The following CHTF18 variants were observed in gnomAD, a reference collection of about 807,000 sequenced individuals.
The protein encoded by CHTF18 is chromosome transmission fidelity factor 18.
Under a neutral mutation model 113.4 loss-of-function variants are expected in CHTF18, and 151 were observed. That is an observed-to-expected ratio of 1.33 (90% CI 1.17 to 1.52). The LOEUF is 1.52. CHTF18 is among the 40% of genes most tolerant of loss of function. The probability of loss-of-function intolerance (pLI) is 0.00; values close to 1 mark genes in which losing one functional copy is unlikely to be tolerated. For synonymous variants in CHTF18, 916 were observed against 598.8 expected (o/e 1.53, Z -7.74); for missense variants, 1,982 against 1,381.6 (o/e 1.43, Z -6.89).
chr16:792,298 G>T lies in CHTF18; in HGVS notation c.1277G>T (p.Gly426Val), dbSNP rs1214768527. The T allele has an allele frequency of 5.1e-6, 8 of 1,554,954 alleles. No homozygotes were observed. Among genetic ancestry groups the T allele is most frequent in the Non-Finnish European group, 7.0e-6 (8 of 1,149,866 alleles). ...ATQMESVLGA[G>V]GKPNCLVIDE... is the part of the protein sequence containing the mutation. ...CAGATGGAGTCGGTGCTGGGTGCTG[G>T]CGGGAAGCCCAACTGCCTGGTCATC... is the stretch of plus-strand genomic sequence containing the variant. Residue 426 changes from glycine (G) to valine (V), a missense_variant, in exon 10 of 22, where the codon GGC becomes GTC. Gly to Val is a moderately radical substitution (Grantham distance 109). Transcript: ENST00000262315.
rs761187410 is a variant in CHTF18, at chr16:788,920, T to C, written c.92-11T>C. 6.5e-7 allele frequency: 1 copy of C among 1,530,898 alleles called. No individual in the cohort carries two copies. The highest frequency in any genetic ancestry group is 1.4e-5 in the African/African-American group (1 of 70,618). 94.8% of individuals were successfully genotyped at this position (1,530,898 alleles called of 1,614,324 possible). ...CTCGGGGCGGCCGCTGACAATCTCC[T>C]CTCCCAGCAGGGGCGTCGACTCCGT... On this transcript the variant is annotated splice_polypyrimidine_tract_variant and intron_variant, in intron 1 of 21. Coordinates refer to ENST00000262315, the MANE Select transcript of CHTF18 (RefSeq NM_022092.3).
At position 797,901 on chromosome 16, in the gene CHTF18, G is replaced by A. The variant is rs1244045032; in HGVS notation, c.2854G>A (p.Glu952Lys). 20 of 1,611,618 alleles carry A rather than the reference G, an allele frequency of 1.2e-5. No homozygotes were observed. The highest frequency in any genetic ancestry group is 2.2e-5 in the South Asian group (2 of 90,854). The stretch of plus-strand genomic sequence containing the variant: ...CATGGGCACAGCGGTGGGCAGGAGC[G>A]AGGTCTGGTTCCGCTTCAACGAGGG... ...RRMGTAVGRSEVWFRFNEGVS... is the reference protein window; with the variant it reads ...RRMGTAVGRSKVWFRFNEGVS... The change falls in exon 22 of 22, where the codon GAG becomes AAG. Residue 952 changes from glutamate to lysine, a missense_variant. By Grantham distance (56) the Glu-to-Lys change is moderately conservative. Transcript: ENST00000262315.
At chr16:794,620 C>T (rs1216249365) in intron 15 of CHTF18, 2 of 242,500 alleles carry the variant, frequency 8.2e-6, no homozygotes, top group African/African-American at 2.2e-5. Flanking sequence ...AAGCTGTCTG[C>T]TGACTCTAAG....
At chr16:793,850 C>A (rs764445004) in intron 14 of CHTF18, 1 of 644,642 alleles carries the variant, frequency 1.6e-6, no homozygotes, top group Non-Finnish European at 2.7e-6. Context: ...CAGAGTGGGG[C>A]TCCTCGGCTT....
Position 795,228 on chromosome 16 carries a change from G to A in CHTF18, c.2047G>A (p.Ala683Thr). Residue 683 changes from alanine (A) to threonine (T), a missense_variant, in exon 16 of 22, where the codon GCG becomes ACG. By Grantham distance (58) the Ala-to-Thr change is moderately conservative. Transcript: ENST00000262315. ...CTGGCTGGCCTTCGATGACCTGCTGGCGGGGGCTGCTCATCACAGCCAGAG... is the reference window on the plus strand; with the variant it reads ...CTGGCTGGCCTTCGATGACCTGCTGACGGGGGCTGCTCATCACAGCCAGAG... Reference protein sequence around the residue: ...LDWLAFDDLLAGAAHHSQSFQ... With the variant: ...LDWLAFDDLLTGAAHHSQSFQ... 1.3e-6 allele frequency: 2 copies of A among 1,551,332 alleles called. No individual in the cohort carries two copies. The highest frequency in any genetic ancestry group is 1.7e-6 in the Non-Finnish European group (2 of 1,147,820).
chr16:791,157 G>T lies in CHTF18; in HGVS notation c.895-4G>T, dbSNP rs188666865. Reference sequence around the variant, plus strand: ...CTGTGCTTCCCTTCCCGTCCTTCCCGCAGTTCACCAACCGCTGCCTGCTCA... The same window carrying T: ...CTGTGCTTCCCTTCCCGTCCTTCCCTCAGTTCACCAACCGCTGCCTGCTCA... On this transcript the variant is annotated splice_region_variant and splice_polypyrimidine_tract_variant and intron_variant, in intron 7 of 21. Coordinates refer to ENST00000262315, the MANE Select transcript of CHTF18 (RefSeq NM_022092.3). 2.7e-3 allele frequency: 4,298 copies of T among 1,607,974 alleles called. 8 individuals are homozygous for T. The highest frequency in any genetic ancestry group is 3.4e-3 in the Non-Finnish European group (3,964 of 1,178,090).
At chr16:793,297 G>A (rs1473613691) in intron 14 of CHTF18, 23 bp downstream of exon 14, 3 of 1,603,800 alleles carry the variant, frequency 1.9e-6, no homozygotes, top group South Asian at 1.1e-5. Flanking sequence ...CACAGCCTCG[G>A]CCCAGATGCT....
At position 789,055 on chromosome 16, in the gene CHTF18, C is replaced by T. The variant is rs1354855876; in HGVS notation, c.216C>T (p.Gly72=). The change falls in exon 2 of 22, where the codon GGC becomes GGT. Residue 72 remains glycine (G), a synonymous_variant. Transcript: ENST00000262315. The part of the protein sequence containing the change: ...ASSPAPAASV[G]SSQGGARKRQ... ...GTCCCGCCCCAGCCGCATCTGTGGG[C>T]AGCAGCCAGGGCGGCGCCAGGAAGA... The T allele has an allele frequency of 6.5e-7, 1 of 1,538,650 alleles. No homozygotes were observed.
rs200325519 is a variant in CHTF18 at position 795,865 on chromosome 16, C to T, written c.2325+31C>T. 5.7e-5 allele frequency: 91 copies of T among 1,606,744 alleles called. 1 individual carries two copies. In the African/African-American group the frequency reaches 8.6e-4, roughly 15 times the overall value. On this transcript the variant is annotated intron_variant, in intron 17 of 21. Transcript: ENST00000262315. Reference sequence around the variant, plus strand: ...TGCCGTCCCCGGGGTGGGGGATTCCCCGCCTGCTGCCCTCCTGTCCTAGGT... The same window carrying T: ...TGCCGTCCCCGGGGTGGGGGATTCCTCGCCTGCTGCCCTCCTGTCCTAGGT...
Position 789,316 on chromosome 16 carries a change from C to G in CHTF18, c.393C>G (p.Thr131=), listed in dbSNP as rs905682482. ...PPPDSSPTDI[T]PPPSPEDLAE... ...CCGACTCCTCGCCGACGGACATCAC[C>G]CCGCCGCCGAGCCCTGAGGACCTCG... Residue 131 remains threonine (T), a synonymous_variant, in exon 3 of 22, where the codon ACC becomes ACG. Transcript: ENST00000262315. The G allele has an allele frequency of 7.5e-6, 12 of 1,601,234 alleles. No individual in the cohort carries two copies. The highest frequency in any genetic ancestry group is 1.0e-5 in the Non-Finnish European group (12 of 1,174,972).
At chr16:789,174 A>C in intron 2 of CHTF18, 36 bp from the exon 3 acceptor site, 2 of 1,550,070 alleles carry the variant, frequency 1.3e-6, no homozygotes, top group Non-Finnish European at 1.7e-6. Context: ...CGCGAGGCTG[A>C]GGAGGCCTCT....
rs761697825 is a variant in CHTF18, at chr16:789,054, G to A, written c.215G>A (p.Gly72Asp). ...AGTCCCGCCCCAGCCGCATCTGTGG[G>A]CAGCAGCCAGGGCGGCGCCAGGAAG... The part of the protein sequence containing the change: ...ASSPAPAASV[G>D]SSQGGARKRQ... The change falls in exon 2 of 22, where the codon GGC becomes GAC. Residue 72 changes from glycine (G) to aspartate (D), a missense_variant. Gly to Asp is a moderately conservative substitution (Grantham distance 94, BLOSUM62 -1). Transcript: ENST00000262315. 5.8e-6 allele frequency: 9 copies of A among 1,538,604 alleles called. No individual in the cohort carries two copies. In the African/African-American group the frequency reaches 8.3e-5, roughly 14 times the overall value.
rs1420645721 is a variant in CHTF18, at chr16:795,221, C to T, written c.2040C>T (p.Asp680=). ...CVALDWLAFD[D]LLAGAAHHSQ... ...CCCTCGACTGGCTGGCCTTCGATGA[C>T]CTGCTGGCGGGGGCTGCTCATCACA... Residue 680 remains aspartate (D), a synonymous_variant, in exon 16 of 22, where the codon GAC becomes GAT. Transcript: ENST00000262315. The T allele has an allele frequency of 1.3e-6, 2 of 1,553,734 alleles. No individual in the cohort carries two copies. Among genetic ancestry groups the T allele is most frequent in the African/African-American group, 1.4e-5 (1 of 73,294 alleles).
rs1170460999 is a variant in CHTF18 at position 788,968 on chromosome 16, C to T, written c.129C>T (p.Phe43=). 13 of 1,569,310 alleles carry T rather than the reference C, an allele frequency of 8.3e-6. No homozygotes were observed. Among genetic ancestry groups the T allele is most frequent in the Admixed American group, 1.8e-5 (1 of 56,228 alleles). The stretch of plus-strand genomic sequence containing the variant: ...CGTCGCCCTCCGGGGTCCCCCTGTT[C>T]ACCGCGGGCCGACCCCCGCGGACGT... ...STPSPSGVPL[F]TAGRPPRTFE... The change falls in exon 2 of 22, where the codon TTC becomes TTT. Residue 43 remains phenylalanine, a synonymous_variant. Coordinates refer to ENST00000262315, the MANE Select transcript of CHTF18 (RefSeq NM_022092.3).
chr16:792,623 A>G, intron 11 of CHTF18, 33 bp downstream of exon 11: 3 of 1,591,230 alleles, frequency 1.9e-6, no homozygotes, highest in Non-Finnish European at 2.6e-6. Context: ...CAGTCAGGAG[A>G]GGCTCTGGTG....
chr16:795,441 C>CCA (rs2151648662), intron 16 of CHTF18, 85 bp downstream of exon 16: 1 of 691,552 alleles, frequency 1.4e-6, no homozygotes, highest in East Asian at 3.3e-5. Flanking sequence ...GGCCCCGTGC[C>CCA]CGCCCCCCCA....
At position 792,805 on chromosome 16, in the gene CHTF18, C is replaced by G. The variant is rs1439782756; in HGVS notation, c.1566C>G (p.Leu522=). 1 of 1,541,084 alleles carries G rather than the reference C, an allele frequency of 6.5e-7. No homozygotes were observed. The highest frequency in any genetic ancestry group is 2.0e-5 in the Admixed American group (1 of 51,162). The part of the protein sequence containing the change: ...PTLPSRLVQR[L]QEVSLRQGMR... ...TGCCCTCGAGGCTGGTGCAGCGGCT[C>G]CAGGAGGTCGGTGGAGCCCCAGGAG... Residue 522 remains leucine (L), a synonymous_variant, in exon 12 of 22, where the codon CTC becomes CTG. Coordinates refer to ENST00000262315, the MANE Select transcript of CHTF18 (RefSeq NM_022092.3).
Position 797,839 on chromosome 16 carries a change from GGGACACGGCCCCGGAGC to G in CHTF18, c.2793_2809del (p.Asp932GlyfsTer42), listed in dbSNP as rs761375962. The G allele has an allele frequency of 1.2e-5, 19 of 1,602,166 alleles. No individual in the cohort carries two copies. Among genetic ancestry groups the G allele is most frequent in the Admixed American group, 1.7e-5 (1 of 58,480 alleles). ...GAGGAGCAACCCTGTGGCCCCGCAG[GGGACACGGCCCCGGAGC>G]AGGACTCAGTGGAGCGGCGCATGGG... is the stretch of plus-strand genomic sequence containing the variant. On this transcript the variant is annotated frameshift_variant and splice_region_variant, in exon 22 of 22. Coordinates refer to ENST00000262315, the MANE Select transcript of CHTF18 (RefSeq NM_022092.3). LOFTEE classifies it low-confidence loss of function (END_TRUNC).
intron 12 of CHTF18, 34 bp downstream of exon 12, chr16:792,845 G>T: frequency 6.5e-7 from 1 of 1,536,000 alleles, no homozygotes; most frequent in Non-Finnish European, 8.7e-7. Context: ...GTGGCTGATG[G>T]CGGGGTTGGG....
Sources: allele counts gnomAD v4.1 joint callset, GRCh38; gene constraint gnomAD v4.1.1; transcripts MANE v1.5; gene names NCBI Gene and HGNC (gene_info 2026-07-23, HGNC 2026-07-21).